Variants in LINGO2 observed in about 807,000 individuals in gnomAD.
The protein encoded by LINGO2 is leucine rich repeat and Ig domain containing 2.
Under a neutral mutation model 30.6 loss-of-function variants are expected in LINGO2, and 14 were observed. The ratio of observed to expected loss-of-function variants is 0.46; its 90% CI spans 0.30 to 0.72. The LOEUF (loss-of-function observed/expected upper bound fraction) is 0.72, where lower values mean the gene tolerates loss of function less well. Among genes scored for constraint, LINGO2 ranks in the 30% least tolerant of loss-of-function variants. LINGO2 has a pLI of 0.07. For synonymous variants in LINGO2, 317 were observed against 288.5 expected (o/e 1.10, Z -1.00); for missense variants, 729 against 751.7 (o/e 0.97, Z 0.35).
At chr9:28,272,249 C>T (rs572725180) in intron 4 of LINGO2, among the ~76,000 whole-genome samples, 2 of 152,118 alleles carry the variant, frequency 1.3e-5, no homozygotes, top group Non-Finnish European at 2.9e-5. Flanking sequence ...GAGAACAGAT[C>T]GTGTTCCTCT....
the LINGO2 span, among the ~76,000 whole-genome samples, chr9:28,983,987 G>T: frequency 6.6e-6 from 1 of 151,910 alleles, no homozygotes; most frequent in Admixed American, 6.6e-5. Flanking sequence ...CAATATGTAG[G>T]TATATTCACT....
chr9:28,838,894 C>T, the LINGO2 span, among the ~76,000 whole-genome samples: 7 of 152,192 alleles, frequency 4.6e-5, no homozygotes, highest in Non-Finnish European at 2.9e-5. Context: ...TGGGACCCAG[C>T]CACTGTACAC....
exon 6 of LINGO2, chr9:27,949,613 G>A: frequency 6.2e-7 from 1 of 1,614,130 alleles, no homozygotes; most frequent in South Asian, 1.1e-5. Context: ...GAGGGTTGTT[G>A]TTAATGCTCA....
At chr9:28,766,810 G>A in the LINGO2 span, among the ~76,000 whole-genome samples, 1 of 21,684 alleles carries the variant, frequency 4.6e-5, no homozygotes, top group Non-Finnish European at 1.1e-4. Flanking sequence ...GAGAGGGAAG[G>A]AGAGAGAGAG....
chr9:28,759,040 A>G, the LINGO2 span, among the ~76,000 whole-genome samples: 7 of 152,034 alleles, frequency 4.6e-5, no homozygotes, highest in Non-Finnish European at 8.8e-5. Flanking sequence ...GGCTTTAACA[A>G]TACTTAAGGT....
chr9:28,770,445 G>C, the LINGO2 span, among the ~76,000 whole-genome samples: 1 of 152,076 alleles, frequency 6.6e-6, no homozygotes, highest in Non-Finnish European at 1.5e-5. Flanking sequence ...TCACCTGCTT[G>C]TACTCTGCTG....
At chr9:29,064,063 G>A in the LINGO2 span, among the ~76,000 whole-genome samples, 12 of 152,050 alleles carry the variant, frequency 7.9e-5, no homozygotes, top group South Asian at 2.1e-4. Context: ...TTTAATTGTC[G>A]CAGTGAACAT....
At chr9:28,973,784 G>T in the LINGO2 span, among the ~76,000 whole-genome samples, 1 of 152,080 alleles carries the variant, frequency 6.6e-6, no homozygotes, top group African/African-American at 2.4e-5. Context: ...TTATAATAGT[G>T]TATCCAGCAA....
the LINGO2 span, among the ~76,000 whole-genome samples, chr9:28,809,314 T>G: frequency 2.6e-5 from 4 of 152,220 alleles, no homozygotes. Flanking sequence ...TGCCTGACTT[T>G]CTATTTCTAC....
At chr9:28,460,697 T>A (rs1442643957) in intron 2 of LINGO2, among the ~76,000 whole-genome samples, 3 of 152,154 alleles carry the variant, frequency 2.0e-5, no homozygotes, top group African/African-American at 4.8e-5. Flanking sequence ...CAGGAAATTT[T>A]ACTCCTCCCT....
the LINGO2 span, among the ~76,000 whole-genome samples, chr9:29,012,121 G>A: frequency 3.9e-5 from 6 of 152,106 alleles, no homozygotes; most frequent in Non-Finnish European, 7.3e-5. Context: ...ACTTTGGGAG[G>A]CTGAGGCAGG....
intron 1 of LINGO2, among the ~76,000 whole-genome samples, chr9:28,570,029 A>G (rs1429715447): frequency 1.3e-5 from 2 of 152,036 alleles, no homozygotes; most frequent in African/African-American, 4.8e-5. Context: ...CAGCAGTGAT[A>G]GTTAATAAAC....
At chr9:28,528,687 A>C (rs1821118418) in intron 1 of LINGO2, among the ~76,000 whole-genome samples, 1 of 152,088 alleles carries the variant, frequency 6.6e-6, no homozygotes, top group South Asian at 2.1e-4. Context: ...GAGATACTAA[A>C]ATTTGTCCTT....
At chr9:28,384,519 T>C (rs1374514936) in intron 2 of LINGO2, among the ~76,000 whole-genome samples, 1 of 151,876 alleles carries the variant, frequency 6.6e-6, no homozygotes, top group Non-Finnish European at 1.5e-5. Context: ...TCAGTAATAA[T>C]TGTCTACCCT....
chr9:28,553,111 G>A (rs569503199), intron 1 of LINGO2, among the ~76,000 whole-genome samples: 29 of 152,154 alleles, frequency 1.9e-4, no homozygotes, highest in African/African-American at 3.1e-4. Context: ...CCAAAGGAAC[G>A]CAGCTCCTCA....
intron 4 of LINGO2, among the ~76,000 whole-genome samples, chr9:28,239,817 C>T (rs1320867807): frequency 6.6e-6 from 1 of 151,978 alleles, no homozygotes; most frequent in Non-Finnish European, 1.5e-5. Flanking sequence ...TAAAGGGCAT[C>T]CAAATTGGAA....
chr9:28,270,686 T>A (rs753524156), intron 4 of LINGO2, among the ~76,000 whole-genome samples: 1 of 152,272 alleles, frequency 6.6e-6, no homozygotes, highest in Non-Finnish European at 1.5e-5. Context: ...TGCCAACTAG[T>A]TCTTCCTGAA....
At chr9:28,122,539 A>T (rs531036535) in intron 4 of LINGO2, among the ~76,000 whole-genome samples, 17 of 152,350 alleles carry the variant, frequency 1.1e-4, no homozygotes, top group Admixed American at 9.2e-4. Context: ...AAATGGAATG[A>T]GAACCACAGA....
At chr9:28,159,378 C>G (rs916629458) in intron 4 of LINGO2, among the ~76,000 whole-genome samples, 1 of 152,046 alleles carries the variant, frequency 6.6e-6, no homozygotes, top group Admixed American at 6.5e-5. Flanking sequence ...TTAATTAGCA[C>G]ATGTGCAGCT....
Sources: allele counts gnomAD v4.1 joint callset (sites outside exome capture counted in the v4.1 genomes callset), GRCh38; gene constraint gnomAD v4.1.1; transcripts MANE v1.5; gene names NCBI Gene and HGNC (gene_info 2026-07-23, HGNC 2026-07-21).